Variants in IPO13 observed in about 807,000 individuals in gnomAD.
IPO13 encodes the protein importin-13.
IPO13 carries 28 observed loss-of-function variants against 115.5 expected under a neutral mutation model. That is an observed-to-expected ratio of 0.24 (90% CI 0.18 to 0.33). IPO13 has a LOEUF of 0.33. Among genes scored for constraint, IPO13 ranks in the 10% least tolerant of loss-of-function variants. The probability of loss-of-function intolerance (pLI) is 1.00; values close to 1 mark genes in which losing one functional copy is unlikely to be tolerated. For synonymous variants in IPO13, 414 were observed against 478.9 expected (o/e 0.86, Z 1.77); for missense variants, 785 against 1,204.6 (o/e 0.65, Z 5.16).
rs1026004175 is a variant in IPO13, at chr1:43,967,729, C to T, written c.*47C>T. On this transcript the variant is annotated 3_prime_UTR_variant, in exon 20 of 20. Transcript: ENST00000372343. This position sits in a 1 kb window ranked among gnomAD's most constrained non-coding sequence, Gnocchi z 6.1. ...CCCCTTCTCTTCATCCTTCCCTATT[C>T]CCAAAGAGTAAACCTGGACCCTCAC... 1.9e-6 allele frequency: 3 copies of T among 1,550,594 alleles called. No homozygotes were observed. The highest frequency in any genetic ancestry group is 1.7e-5 in the Admixed American group (1 of 59,316).
intron 2 of IPO13, 132 bp downstream of exon 2, chr1:43,950,285 C>A: frequency 2.9e-6 from 3 of 1,035,562 alleles, no homozygotes; most frequent in Non-Finnish European, 4.1e-6. Flanking sequence ...AGCAAGGAAC[C>A]AAAGAAGACA....
chr1:43,959,499 C>G (rs1308849635), intron 11 of IPO13, among the ~76,000 whole-genome samples: 1 of 152,196 alleles, frequency 6.6e-6, no homozygotes, highest in African/African-American at 2.4e-5. Flanking sequence ...CTGGCTTACT[C>G]AATTCATAGA....
chr1:43,964,352 G>A (rs1239618749), intron 15 of IPO13, 31 bp downstream of exon 15: 1 of 1,508,326 alleles, frequency 6.6e-7, no homozygotes, highest in Non-Finnish European at 9.2e-7. Context: ...TTCACGTTCT[G>A]TTCTCTCTCT....
chr1:43,958,940 A>G lies in IPO13; in HGVS notation c.2028+51A>G, dbSNP rs1273082355. The G allele has an allele frequency of 2.6e-6, 4 of 1,524,168 alleles. No individual in the cohort carries two copies. The highest frequency in any genetic ancestry group is 3.6e-6 in the Non-Finnish European group (4 of 1,104,444). 94.4% of individuals were successfully genotyped at this position (1,524,168 alleles called of 1,614,324 possible). A position where few individuals can be genotyped will look rare whatever the true frequency, so the allele number is the denominator to read the frequency against. On this transcript the variant is annotated intron_variant, in intron 11 of 19. Transcript: ENST00000372343. The surrounding 1 kb of genome is among the most constrained non-coding windows in gnomAD (Gnocchi z 6.3). Reference sequence around the variant, plus strand: ...GACATTTGTCTTTGCCATCCCCCCAACCCCCACCTGTGGGAATGTCATTGT... The same window carrying G: ...GACATTTGTCTTTGCCATCCCCCCAGCCCCCACCTGTGGGAATGTCATTGT...
chr1:43,961,322 A>C, intron 14 of IPO13, 60 bp downstream of exon 14: 30 of 1,339,306 alleles, frequency 2.2e-5, no homozygotes, highest in Non-Finnish European at 2.9e-5. Flanking sequence ...GCTTCCCCAA[A>C]TGGGGAGCCA....
At chr1:43,957,644 A>T in intron 7 of IPO13, 95 bp downstream of exon 7, 1 of 1,446,548 alleles carries the variant, frequency 6.9e-7, no homozygotes, top group Non-Finnish European at 9.6e-7. Flanking sequence ...AGAATGGGAG[A>T]GCCACATGCC....
chr1:43,958,130 A>C lies in IPO13; in HGVS notation c.1694A>C (p.Tyr565Ser). The change falls in exon 8 of 20, where the codon TAT becomes TCT. Residue 565 changes from tyrosine (Y) to serine (S), a missense_variant. Around this residue, in one of 3 missense-constraint regions of IPO13, gnomAD observed 175 missense variants for 360.0 expected, o/e 0.49. Coordinates refer to ENST00000372343, the MANE Select transcript of IPO13 (RefSeq NM_014652.4). The surrounding 1 kb of genome is among the most constrained non-coding windows in gnomAD (Gnocchi z 6.3). Reference protein sequence around the residue: ...CRECKYDLPPYAANIVAVSQD... With the variant: ...CRECKYDLPPSAANIVAVSQD... ...GAGTGCAAGTATGACCTGCCTCCCT[A>C]TGCTGCCAACATTGTGGCTGTGTCC... The C allele has an allele frequency of 6.2e-7, 1 of 1,614,056 alleles. No homozygotes were observed. Among genetic ancestry groups the C allele is most frequent in the Non-Finnish European group, 8.5e-7 (1 of 1,180,000 alleles).
rs2085282042 is a variant in IPO13 at position 43,960,474 on chromosome 1, G to A, written c.2109+145G>A. 1.6e-5 allele frequency: 12 copies of A among 756,604 alleles called. No individual in the cohort carries two copies. In the East Asian group the frequency reaches 1.8e-4, roughly 11 times the overall value. The allele number at this position is 756,604 out of a possible 1,614,324, so 46.9% of individuals were successfully genotyped here. A position where few individuals can be genotyped will look rare whatever the true frequency, so the allele number is the denominator to read the frequency against. On this transcript the variant is annotated intron_variant, in intron 12 of 19. Transcript: ENST00000372343. ...GCCCCATAGAGATAAGGAATCTTTT[G>A]GGAAGACATTTAGAACTCCCCAATA...
chr1:43,949,386 A>G (rs368205975), intron 1 of IPO13, 31 bp from the exon 2 acceptor site: 2 of 1,550,356 alleles, frequency 1.3e-6, no homozygotes, highest in African/African-American at 2.7e-5. Context: ...CAGAGTGGCC[A>G]GCACCTGCTC....
chr1:43,958,939 A>G lies in IPO13; in HGVS notation c.2028+50A>G. On this transcript the variant is annotated intron_variant, in intron 11 of 19. Coordinates refer to ENST00000372343, the MANE Select transcript of IPO13 (RefSeq NM_014652.4). The surrounding 1 kb of genome is among the most constrained non-coding windows in gnomAD (Gnocchi z 6.3). ...AGACATTTGTCTTTGCCATCCCCCC[A>G]ACCCCCACCTGTGGGAATGTCATTG... The G allele has an allele frequency of 6.5e-7, 1 of 1,546,464 alleles. No homozygotes were observed. The highest frequency in any genetic ancestry group is 8.9e-7 in the Non-Finnish European group (1 of 1,122,766).
At position 43,946,976 on chromosome 1, in the gene IPO13, A is replaced by G. The variant is rs1571759235; in HGVS notation, c.-625A>G. 1 of 396,514 alleles carries G rather than the reference A, an allele frequency of 2.5e-6. No individual in the cohort carries two copies. Among genetic ancestry groups the G allele is most frequent in the African/African-American group, 2.1e-5 (1 of 48,660 alleles). The allele number at this position is 396,514 out of a possible 1,614,324, so 24.6% of individuals were successfully genotyped here. ...CTTGTCTTGTCAGTCACTGGGGCGG[A>G]GGCAGCGGCTGTAGCGGGGCTGTAG... On this transcript the variant is annotated 5_prime_UTR_variant, in exon 1 of 20. Transcript: ENST00000372343.
rs57798628 is a variant in IPO13, at chr1:43,965,169, A to G, written c.2397+848A>G. ...GGCATTGGTATGTCTGTATCAGAGT[A>G]TGGTTTGGAGATGCATGTTGGGCTG... On this transcript the variant is annotated intron_variant, in intron 15 of 19. Coordinates refer to ENST00000372343, the MANE Select transcript of IPO13 (RefSeq NM_014652.4). 3.0e-3 allele frequency among the ~76,000 whole-genome samples: 456 copies of G among 151,934 alleles called. 4 individuals are homozygous for G. Among genetic ancestry groups the G allele is most frequent in the African/African-American group, 0.01 (432 of 41,438 alleles).
Position 43,967,855 on chromosome 1 carries a change from G to A in IPO13, c.*173G>A, listed in dbSNP as rs2085337603. The A allele has an allele frequency of 3.1e-6, 2 of 646,150 alleles. No homozygotes were observed. The highest frequency in any genetic ancestry group is 1.8e-5 in the African/African-American group (1 of 55,020). 40.0% of individuals were successfully genotyped at this position (646,150 alleles called of 1,614,324 possible). A position where few individuals can be genotyped will look rare whatever the true frequency, so the allele number is the denominator to read the frequency against. On this transcript the variant is annotated 3_prime_UTR_variant, in exon 20 of 20. Transcript: ENST00000372343. This position sits in a 1 kb window ranked among gnomAD's most constrained non-coding sequence, Gnocchi z 6.1. ...GGGAGGATGCTTGGACCCAGGCCTT[G>A]GGAGGGAATGGTGGGAACATCCTCT... is the stretch of plus-strand genomic sequence containing the variant.
chr1:43,959,014 G>A (rs1293347916), intron 11 of IPO13, 125 bp downstream of exon 11: 1 of 936,494 alleles, frequency 1.1e-6, no homozygotes, highest in Non-Finnish European at 1.6e-6. Context: ...CCTGCCCCGT[G>A]GGCGTGATAT....
Position 43,956,943 on chromosome 1 carries a change from C to G in IPO13, c.1238C>G (p.Ser413Cys). 1 of 1,614,206 alleles carries G rather than the reference C, an allele frequency of 6.2e-7. No homozygotes were observed. Among genetic ancestry groups the G allele is most frequent in the East Asian group, 2.2e-5 (1 of 44,890 alleles). ...TCTGATGAGGAATATGGATTCTGGT[C>G]CTCAGACGAGAAGGAGCAGTTCCGA... ...FPSDEEYGFWSSDEKEQFRIY... is the reference protein window; with the variant it reads ...FPSDEEYGFWCSDEKEQFRIY... Residue 413 changes from serine (S) to cysteine (C), a missense_variant, in exon 5 of 20, where the codon TCC becomes TGC. Transcript: ENST00000372343. This position sits in a 1 kb window ranked among gnomAD's most constrained non-coding sequence, Gnocchi z 4.7.
At chr1:43,957,888 C>G (rs971966322) in intron 7 of IPO13, 89 bp from the exon 8 acceptor site, 6 of 1,291,392 alleles carry the variant, frequency 4.6e-6, no homozygotes, top group Non-Finnish European at 6.6e-6. Flanking sequence ...GCAACTTGAC[C>G]CTGCCAGGAA....
intron 14 of IPO13, among the ~76,000 whole-genome samples, chr1:43,962,392 C>T (rs778802654): frequency 5.9e-5 from 9 of 152,222 alleles, no homozygotes; most frequent in Non-Finnish European, 1.0e-4. Flanking sequence ...CCCTTCTCTC[C>T]AATCTGTTCT....
intron 14 of IPO13, among the ~76,000 whole-genome samples, chr1:43,963,400 C>A (rs1024482872): frequency 2.0e-5 from 3 of 152,196 alleles, no homozygotes; most frequent in African/African-American, 7.2e-5. Flanking sequence ...CCTGTTATGC[C>A]ATCCCAATCT....
At position 43,960,267 on chromosome 1, in the gene IPO13, C is replaced by G; in HGVS notation, c.2047C>G (p.Gln683Glu). 6.2e-7 allele frequency: 1 copy of G among 1,614,166 alleles called. No individual in the cohort carries two copies. The highest frequency in any genetic ancestry group is 8.5e-7 in the Non-Finnish European group (1 of 1,180,024). Reference sequence around the variant, plus strand: ...CCTTCAGGTGGTGGTGGTGCTGCAGCAGGTCTTCCAGCTTATCCAGAAGGT... The same window carrying G: ...CCTTCAGGTGGTGGTGGTGCTGCAGGAGGTCTTCCAGCTTATCCAGAAGGT... ...GPNPVVVVLQ[Q>E]VFQLIQKVLS... Residue 683 changes from glutamine to glutamate, a missense_variant, in exon 12 of 20, where the codon CAG (glutamine) becomes GAG (glutamate). By Grantham distance (29) the Gln-to-Glu change is conservative (BLOSUM62 2). Transcript: ENST00000372343.
Sources: allele counts gnomAD v4.1 joint callset (sites outside exome capture counted in the v4.1 genomes callset), GRCh38; gene constraint gnomAD v4.1.1; regional missense constraint gnomAD v4.1.1; non-coding constraint Gnocchi (gnomAD v3.1); transcripts MANE v1.5; gene names NCBI Gene and HGNC (gene_info 2026-07-23, HGNC 2026-07-21).